CTTNBP2NL: variants seen among roughly 807,000 people sequenced by gnomAD.
CTTNBP2NL encodes the protein CTTNBP2 N-terminal like.
Under a neutral mutation model 32.5 loss-of-function variants are expected in CTTNBP2NL, and 16 were observed. That is an observed-to-expected ratio of 0.49 (90% CI 0.33 to 0.75). The LOEUF is 0.75. Ranked by LOEUF, CTTNBP2NL falls within the 30% of genes least tolerant of loss-of-function variation. The pLI is 0.02. For synonymous variants in CTTNBP2NL, 298 were observed against 289.4 expected, an observed-to-expected ratio of 1.03 and a Z score of -0.30; for missense variants, 645 against 756.0, an observed-to-expected ratio of 0.85 and a Z score of 1.72.
chr1:112,416,384 G>A, intron 3 of CTTNBP2NL, 120 bp downstream of exon 3: 1 of 598,854 alleles, frequency 1.7e-6, no homozygotes. Context: ...AGGACATACT[G>A]ATACTTGCCA....
intron 2 of CTTNBP2NL, among the ~76,000 whole-genome samples, chr1:112,415,173 A>G (rs1570721119): frequency 6.6e-6 from 1 of 152,200 alleles, no homozygotes; most frequent in Non-Finnish European, 1.5e-5. Context: ...CCTGGGTGAC[A>G]GAGCAAGACC....
chr1:112,404,230 C>G (rs1381588232), intron 1 of CTTNBP2NL, among the ~76,000 whole-genome samples: 6 of 152,202 alleles, frequency 3.9e-5, no homozygotes, highest in Non-Finnish European at 7.3e-5. Flanking sequence ...CATAGAACAA[C>G]AATTGCCAGG....
chr1:112,409,519 C>T (rs1469321559), intron 1 of CTTNBP2NL, among the ~76,000 whole-genome samples: 1 of 152,072 alleles, frequency 6.6e-6, no homozygotes, highest in Non-Finnish European at 1.5e-5. Context: ...GAAAAACCTA[C>T]CACCTGGAAA....
intron 1 of CTTNBP2NL, among the ~76,000 whole-genome samples, chr1:112,408,699 A>C (rs934958938): frequency 2.0e-5 from 3 of 152,104 alleles, no homozygotes; most frequent in African/African-American, 4.8e-5. Context: ...TTTCATGTAT[A>C]CTGGGTTTTT....
intron 3 of CTTNBP2NL, among the ~76,000 whole-genome samples, chr1:112,419,264 G>A (rs1649155167): frequency 6.6e-6 from 1 of 152,126 alleles, no homozygotes; most frequent in Non-Finnish European, 1.5e-5. Context: ...ATGAGATTAT[G>A]TAATACATCA....
chr1:112,404,948 G>T (rs1368623816), intron 1 of CTTNBP2NL, among the ~76,000 whole-genome samples: 1 of 152,204 alleles, frequency 6.6e-6, no homozygotes, highest in Admixed American at 6.5e-5. Flanking sequence ...CTACTTGGGA[G>T]TCTGAGGCAG....
At chr1:112,393,677 T>G (rs1411870755), upstream of CTTNBP2NL, among the ~76,000 whole-genome samples, 1 of 152,080 alleles carries the variant, frequency 6.6e-6, no homozygotes, top group African/African-American at 2.4e-5. Flanking sequence ...GGTGAAAAAT[T>G]AAAAGGAAAG....
intron 3 of CTTNBP2NL, among the ~76,000 whole-genome samples, chr1:112,428,646 C>G (rs1325138635): frequency 6.6e-6 from 1 of 152,104 alleles, no homozygotes; most frequent in Non-Finnish European, 1.5e-5. Context: ...CATTTCACCA[C>G]AATCCAGGAT....
chr1:112,435,089 G>A (rs554603604), intron 3 of CTTNBP2NL, among the ~76,000 whole-genome samples: 1 of 136,472 alleles, frequency 7.3e-6, no homozygotes, highest in East Asian at 2.3e-4. Flanking sequence ...ATTGTAGCAA[G>A]CCGAGATCAC....
At chr1:112,451,037 C>A (rs1399591602) in intron 4 of CTTNBP2NL, among the ~76,000 whole-genome samples, 2 of 152,024 alleles carry the variant, frequency 1.3e-5, no homozygotes, top group Non-Finnish European at 2.9e-5. Flanking sequence ...TAATAAATTA[C>A]ATGGTCATTG....
At chr1:112,450,003 T>C (rs1650170800) in intron 4 of CTTNBP2NL, among the ~76,000 whole-genome samples, 3 of 152,230 alleles carry the variant, frequency 2.0e-5, no homozygotes, top group African/African-American at 2.4e-5. Flanking sequence ...GATGCTTGGC[T>C]ACAATCTTCA....
intron 3 of CTTNBP2NL, among the ~76,000 whole-genome samples, chr1:112,434,479 C>T (rs1317786934): frequency 6.6e-6 from 1 of 152,090 alleles, no homozygotes; most frequent in African/African-American, 2.4e-5. Flanking sequence ...GTTTTTCTCT[C>T]CCTCTTATAT....
chr1:112,394,318 C>T (rs1648258373), upstream of CTTNBP2NL, among the ~76,000 whole-genome samples: 1 of 152,130 alleles, frequency 6.6e-6, no homozygotes, highest in Non-Finnish European at 1.5e-5. Flanking sequence ...ACATCTGCTT[C>T]ATTGTCAGGC....
intron 3 of CTTNBP2NL, 31 bp from the exon 4 acceptor site, chr1:112,448,911 C>A: frequency 7.6e-7 from 1 of 1,323,676 alleles, no homozygotes; most frequent in Non-Finnish European, 1.1e-6. Flanking sequence ...TTTTAAAAAG[C>A]AAGATGCTTA....
chr1:112,456,221 C>T lies in CTTNBP2NL; in HGVS notation c.729C>T (p.Asp243=). The change falls in exon 6 of 6, where the codon GAC becomes GAT. Residue 243 remains aspartate (D), a synonymous_variant. Transcript: ENST00000271277. ...TAGAGAAGCAGTTATCAGAGTTTGA[C>T]ATCGAAAGGGAACAACTGAGAGCAA... is the stretch of plus-strand genomic sequence containing the variant. ...AQVEKQLSEF[D]IEREQLRAKL... 1 of 1,614,078 alleles carries T rather than the reference C, an allele frequency of 6.2e-7. No individual in the cohort carries two copies.
intron 4 of CTTNBP2NL, among the ~76,000 whole-genome samples, chr1:112,452,850 C>G (rs756495303): frequency 3.9e-5 from 6 of 151,920 alleles, no homozygotes; most frequent in East Asian, 3.9e-4. Flanking sequence ...GGGTTGGGCA[C>G]AGTGGGTCAC....
chr1:112,414,153 G>A (rs550802913), intron 2 of CTTNBP2NL, among the ~76,000 whole-genome samples: 22 of 152,104 alleles, frequency 1.4e-4, no homozygotes, highest in Non-Finnish European at 2.1e-4. Context: ...ATCACCTGAG[G>A]TCAGGAGTTC....
rs1465879274 is a variant in CTTNBP2NL at position 112,449,141 on chromosome 1, A to T, written c.299A>T (p.Gln100Leu). Residue 100 changes from glutamine to leucine, a missense_variant, in exon 4 of 6, where the codon CAG (glutamine) becomes CTG (leucine). Coordinates refer to ENST00000271277, the MANE Select transcript of CTTNBP2NL (RefSeq NM_018704.3). The stretch of plus-strand genomic sequence containing the variant: ...AACATGCAGGAGCGCATGCTGTCCC[A>T]GCTGGCTGCTGCTGAGAGCAGGCAC... ...CKNMQERMLS[Q>L]LAAAESRHRK... The T allele has an allele frequency of 1.2e-6, 2 of 1,613,068 alleles. No individual in the cohort carries two copies. The highest frequency in any genetic ancestry group is 2.2e-5 in the East Asian group (1 of 44,840).
chr1:112,413,875 C>G lies in CTTNBP2NL; in HGVS notation c.-10+1558C>G, dbSNP rs151049635. Reference sequence around the variant, plus strand: ...CCAGCTTGGCCAACATGGTAAAACCCCATCTCTACTAAAAATACAAAAATT... The same window carrying G: ...CCAGCTTGGCCAACATGGTAAAACCGCATCTCTACTAAAAATACAAAAATT... On this transcript the variant is annotated intron_variant, in intron 2 of 5. Coordinates refer to ENST00000271277, the MANE Select transcript of CTTNBP2NL (RefSeq NM_018704.3). 4.3e-3 allele frequency among the ~76,000 whole-genome samples: 652 copies of G among 151,614 alleles called. 2 individuals carry two copies. Among genetic ancestry groups the G allele is most frequent in the Non-Finnish European group, 7.0e-3 (474 of 67,954 alleles).
Sources: gnomAD v4.1 joint callset for allele counts (sites outside exome capture counted in the v4.1 genomes callset) on GRCh38, gnomAD v4.1.1 for gene constraint, MANE v1.5 for transcripts, NCBI Gene and HGNC (gene_info 2026-07-23, HGNC 2026-07-21) for gene names.